The following SERINC5 variants were observed in gnomAD, a reference collection of about 807,000 sequenced individuals.
SERINC5 encodes chromosome 5 open reading frame 12.
A neutral mutation model predicts 63.1 loss-of-function variants in SERINC5; 41 were observed. That is an observed-to-expected ratio of 0.65 (90% confidence interval 0.51 to 0.84). The LOEUF (loss-of-function observed/expected upper bound fraction) is 0.84, where lower values mean the gene tolerates loss of function less well. Ranked by LOEUF, SERINC5 falls within the 40% of genes least tolerant of loss-of-function variation. The pLI, the probability that SERINC5 is intolerant of heterozygous loss-of-function variation, is 0.00. For missense variants in SERINC5, 523 were observed against 573.0 expected, an observed-to-expected ratio of 0.91 and a Z score of 0.89; for synonymous variants, 222 against 215.2, an observed-to-expected ratio of 1.03 and a Z score of -0.28.
chr5:80,202,103 T>TG lies in SERINC5; in HGVS notation c.195+782dup, dbSNP rs1376945209. Among the ~76,000 whole-genome samples the TG allele has an allele frequency of 4.6e-5, 7 of 151,824 alleles. No individual in the cohort carries two copies. In the East Asian group the frequency reaches 1.2e-3, roughly 25 times the overall value. On this transcript the variant is annotated intron_variant, in intron 2 of 11. Coordinates refer to ENST00000507668, the MANE Select transcript of SERINC5 (RefSeq NM_001174072.3). ...AAATACAAAAATTAGCTGGCCGTGGTGGGGGGCACCTGTAATCCCAGCTAC... is the reference window on the plus strand; with the variant it reads ...AAATACAAAAATTAGCTGGCCGTGGTGGGGGGGCACCTGTAATCCCAGCTAC...
intron 8 of SERINC5, among the ~76,000 whole-genome samples, chr5:80,156,581 G>A (rs1746531498): frequency 6.6e-6 from 1 of 152,184 alleles, no homozygotes; most frequent in African/African-American, 2.4e-5. Flanking sequence ...TGTAGGGGCT[G>A]CAGTTTTATA....
At chr5:80,161,020 ATATATATACACACGTG>A (rs1256599129) in intron 7 of SERINC5, among the ~76,000 whole-genome samples, 17 of 137,154 alleles carry the variant, frequency 1.2e-4, no homozygotes, top group African/African-American at 4.3e-4. Context: ...ATATACGTGT[ATATATATACACACGTG>A]TATATATATA....
At chr5:80,133,162 A>G (rs1179705506) in intron 11 of SERINC5, among the ~76,000 whole-genome samples, 1 of 152,198 alleles carries the variant, frequency 6.6e-6, no homozygotes, top group Non-Finnish European at 1.5e-5. Context: ...CACAGTGAGT[A>G]AAAGCTCACT....
intron 1 of SERINC5, among the ~76,000 whole-genome samples, chr5:80,245,079 T>C (rs1468630489): frequency 2.0e-5 from 3 of 152,206 alleles, no homozygotes; most frequent in African/African-American, 7.2e-5. Flanking sequence ...AGGCTCTACC[T>C]TCACTTAATT....
At chr5:80,250,696 T>C (rs548377875) in intron 1 of SERINC5, among the ~76,000 whole-genome samples, 8 of 152,324 alleles carry the variant, frequency 5.3e-5, no homozygotes, top group African/African-American at 1.9e-4. Context: ...ACTCTGTGTA[T>C]GTGGGTGTGT....
intron 11 of SERINC5, chr5:80,116,240 CG>C (rs1554056880): frequency 6.7e-6 from 3 of 449,982 alleles, no homozygotes; most frequent in Non-Finnish European, 1.3e-5. Context: ...GCTTTCCTGT[CG>C]GAGTTGGGGC....
At chr5:80,164,116 G>A (rs2112365148) in intron 7 of SERINC5, among the ~76,000 whole-genome samples, 1 of 152,068 alleles carries the variant, frequency 6.6e-6, no homozygotes. Flanking sequence ...ATTTCCTCTA[G>A]CTTTTCTAGT....
In SERINC5 at chr5:80,203,037, C is replaced by T. The variant is rs749814669; in HGVS notation, c.44G>A (p.Gly15Glu). 1 of 1,609,410 alleles carries T rather than the reference C, an allele frequency of 6.2e-7. No homozygotes were observed. Among genetic ancestry groups the T allele is most frequent in the Non-Finnish European group, 8.5e-7 (1 of 1,177,634 alleles). The change falls in exon 2 of 12, where the codon GGG (glycine) becomes GAG (glutamate). Residue 15 changes from glycine to glutamate, a missense_variant. Physicochemically the swap from Gly to Glu is moderately conservative, Grantham distance 98 (BLOSUM62 -2). Coordinates refer to ENST00000507668, the MANE Select transcript of SERINC5 (RefSeq NM_001174072.3). ...ACAGCAGAGAGAGCAGCCTGCAGACCCACAGCAGCAGGCCAGCTAGAAAAG... is the reference window on the plus strand; with the variant it reads ...ACAGCAGAGAGAGCAGCCTGCAGACTCACAGCAGCAGGCCAGCTAGAAAAG... ...CCAGQLACCC[G>E]SAGCSLCCDC...
chr5:80,204,525 G>A (rs114740513), intron 1 of SERINC5, among the ~76,000 whole-genome samples: 2 of 152,236 alleles, frequency 1.3e-5, no homozygotes, highest in African/African-American at 4.8e-5. Flanking sequence ...GGAACAGTTC[G>A]GTGTGTGAAC....
intron 1 of SERINC5, among the ~76,000 whole-genome samples, chr5:80,224,490 AC>A (rs1751076791): frequency 6.6e-6 from 1 of 152,192 alleles, no homozygotes. Flanking sequence ...AGAAAAAAAA[AC>A]AGTCATGTTT....
intron 1 of SERINC5, chr5:80,203,314 G>T: frequency 6.4e-6 from 1 of 157,064 alleles, no homozygotes; most frequent in Non-Finnish European, 1.4e-5. Context: ...TATATCTAAT[G>T]TATATTTTAT....
intron 2 of SERINC5, among the ~76,000 whole-genome samples, chr5:80,181,220 T>C (rs1748395806): frequency 6.6e-6 from 1 of 152,140 alleles, no homozygotes; most frequent in Admixed American, 6.5e-5. Context: ...TTTATTTTCC[T>C]TTACACAAAC....
At chr5:80,137,134 T>C (rs1302245670), downstream of SERINC5, among the ~76,000 whole-genome samples, 2 of 91,260 alleles carry the variant, frequency 2.2e-5, no homozygotes, top group Admixed American at 3.0e-4. Flanking sequence ...ACTGAGACCC[T>C]GTCTCAAAAA....
chr5:80,255,924 G>T lies in SERINC5; in HGVS notation c.-2C>A. 1.3e-6 allele frequency: 2 copies of T among 1,560,546 alleles called. No individual in the cohort carries two copies. ...GCCCGCACAGCACTGAGCTGACATC[G>T]CGGCGGCCAATGCCGAAGGCGCGCT... On this transcript the variant is annotated 5_prime_UTR_variant, in exon 1 of 12. Coordinates refer to ENST00000507668, the MANE Select transcript of SERINC5 (RefSeq NM_001174072.3).
chr5:80,218,297 T>C (rs763250021), intron 1 of SERINC5, among the ~76,000 whole-genome samples: 4 of 152,186 alleles, frequency 2.6e-5, no homozygotes, highest in Non-Finnish European at 5.9e-5. Context: ...TCCCAGCAGT[T>C]TGGGAGGCCA....
intron 2 of SERINC5, chr5:80,198,777 C>T (rs906635987): frequency 1.2e-5 from 10 of 858,332 alleles, no homozygotes; most frequent in African/African-American, 1.8e-5. Flanking sequence ...GGCCAGCTCC[C>T]TTGTGAGGCC....
intron 1 of SERINC5, among the ~76,000 whole-genome samples, chr5:80,224,355 T>C (rs1303159068): frequency 6.6e-6 from 1 of 151,788 alleles, no homozygotes; most frequent in African/African-American, 2.4e-5. Context: ...CACACGACTA[T>C]AGTCCCAGCT....
At chr5:80,230,739 T>C (rs1446572854) in intron 1 of SERINC5, among the ~76,000 whole-genome samples, 1 of 152,204 alleles carries the variant, frequency 6.6e-6, no homozygotes, top group Non-Finnish European at 1.5e-5. Flanking sequence ...TCACAGCTCC[T>C]TTGTGGTGAG....
chr5:80,198,316 C>A (rs1749630836), intron 2 of SERINC5, among the ~76,000 whole-genome samples: 1 of 152,182 alleles, frequency 6.6e-6, no homozygotes, highest in African/African-American at 2.4e-5. Flanking sequence ...CAAGCTTTCT[C>A]TGAGCCAAAG....
Sources: gnomAD v4.1 joint callset for allele counts (sites outside exome capture counted in the v4.1 genomes callset) on GRCh38, gnomAD v4.1.1 for gene constraint, MANE v1.5 for transcripts, NCBI Gene and HGNC (gene_info 2026-07-23, HGNC 2026-07-21) for gene names.